The following PPP3CA variants were observed in gnomAD, a reference collection of about 807,000 sequenced individuals.
PPP3CA encodes the protein CAM-PRP catalytic subunit.
A neutral mutation model predicts 66.5 loss-of-function variants in PPP3CA; 14 were observed. The ratio of observed to expected loss-of-function variants is 0.21; its 90% CI spans 0.14 to 0.33. The LOEUF (loss-of-function observed/expected upper bound fraction) is 0.33, where lower values mean the gene tolerates loss of function less well. Ranked by LOEUF, PPP3CA falls within the 10% of genes least tolerant of loss-of-function variation. PPP3CA has a pLI of 1.00. For synonymous variants in PPP3CA, 232 were observed against 226.2 expected (o/e 1.03, Z -0.23); for missense variants, 317 against 639.5 (o/e 0.50, Z 5.44).
intron 1 of PPP3CA, among the ~76,000 whole-genome samples, chr4:101,306,009 G>A (rs539812098): frequency 6.6e-6 from 1 of 152,104 alleles, no homozygotes; most frequent in South Asian, 2.1e-4. Flanking sequence ...ACATCCACAG[G>A]AGGAAAATGT....
At chr4:101,249,857 T>A (rs1159698294) in intron 1 of PPP3CA, among the ~76,000 whole-genome samples, 1 of 152,138 alleles carries the variant, frequency 6.6e-6, no homozygotes, top group Non-Finnish European at 1.5e-5. Flanking sequence ...TTTTATATTT[T>A]GAAGACAGTT....
intron 2 of PPP3CA, among the ~76,000 whole-genome samples, chr4:101,127,199 G>A (rs578026715): frequency 6.6e-6 from 1 of 151,778 alleles, no homozygotes; most frequent in Non-Finnish European, 1.5e-5. Flanking sequence ...AACTCCATTA[G>A]TGCCCTCTGC....
At chr4:101,128,349 T>C (rs1373193585) in intron 2 of PPP3CA, among the ~76,000 whole-genome samples, 2 of 152,206 alleles carry the variant, frequency 1.3e-5, no homozygotes, top group Non-Finnish European at 2.9e-5. Context: ...TCATCCATCA[T>C]ACATTATATG....
chr4:101,166,256 C>T (rs1723690164), intron 2 of PPP3CA, among the ~76,000 whole-genome samples: 2 of 152,150 alleles, frequency 1.3e-5, no homozygotes, highest in Non-Finnish European at 2.9e-5. Context: ...CCAATTGTTA[C>T]TTTGGCTTTT....
chr4:101,275,239 T>C (rs866279635), intron 1 of PPP3CA, among the ~76,000 whole-genome samples: 1 of 152,068 alleles, frequency 6.6e-6, no homozygotes, highest in East Asian at 1.9e-4. Flanking sequence ...CTTCTCTCAC[T>C]AACTTATTTG....
chr4:101,054,685 T>C (rs763142092), intron 10 of PPP3CA, among the ~76,000 whole-genome samples: 4 of 152,058 alleles, frequency 2.6e-5, no homozygotes, highest in Non-Finnish European at 5.9e-5. Flanking sequence ...CTGGAACCTG[T>C]GGTATTAGAT....
intron 1 of PPP3CA, among the ~76,000 whole-genome samples, chr4:101,343,050 A>C (rs961551858): frequency 2.0e-5 from 3 of 152,120 alleles, no homozygotes; most frequent in African/African-American, 7.2e-5. Flanking sequence ...GCCAAAAGCA[A>C]CCTTACACAA....
intron 1 of PPP3CA, among the ~76,000 whole-genome samples, chr4:101,261,680 T>G (rs1276618605): frequency 2.6e-5 from 4 of 152,088 alleles, no homozygotes; most frequent in Non-Finnish European, 5.9e-5. Flanking sequence ...ATCAGTGATC[T>G]CATTGCAAAG....
chr4:101,213,484 C>T (rs943159674), intron 1 of PPP3CA, among the ~76,000 whole-genome samples: 6 of 151,948 alleles, frequency 3.9e-5, no homozygotes, highest in African/African-American at 1.2e-4. Context: ...ACTGATCTAG[C>T]GGTCTTAATT....
chr4:101,271,483 C>A (rs1233856191), intron 1 of PPP3CA, among the ~76,000 whole-genome samples: 2 of 152,034 alleles, frequency 1.3e-5, no homozygotes, highest in African/African-American at 4.8e-5. Context: ...ACTTAAAAGG[C>A]AGTGGGCATT....
At chr4:101,298,584 T>C (rs1029580055) in intron 1 of PPP3CA, among the ~76,000 whole-genome samples, 14 of 152,140 alleles carry the variant, frequency 9.2e-5, no homozygotes, top group African/African-American at 3.4e-4. Context: ...TTCCACTTAA[T>C]GCATAGTAAT....
chr4:101,175,979 T>G (rs906055011), intron 2 of PPP3CA, among the ~76,000 whole-genome samples: 5 of 152,208 alleles, frequency 3.3e-5, no homozygotes, highest in African/African-American at 4.8e-5. Context: ...CTCCCTCAAG[T>G]CTGAAGACAT....
intron 1 of PPP3CA, among the ~76,000 whole-genome samples, chr4:101,289,870 A>ATGTGTATG (rs1553938887): frequency 3.5e-5 from 5 of 141,728 alleles, no homozygotes; most frequent in Admixed American, 2.1e-4. Context: ...ATGTCCGTGT[A>ATGTGTATG]TGTGTGTGTG....
At chr4:101,215,774 A>G (rs1725433810) in intron 1 of PPP3CA, among the ~76,000 whole-genome samples, 1 of 152,130 alleles carries the variant, frequency 6.6e-6, no homozygotes, top group Non-Finnish European at 1.5e-5. Flanking sequence ...CAGAACAAAT[A>G]TATTGCTGAT....
chr4:101,048,725 A>G (rs1727880335), intron 10 of PPP3CA, among the ~76,000 whole-genome samples: 1 of 152,058 alleles, frequency 6.6e-6, no homozygotes, highest in Admixed American at 6.6e-5. Context: ...TTGGGACATA[A>G]TAGCCACTCA....
In PPP3CA at chr4:101,162,101, A is replaced by T. The variant is rs528272960; in HGVS notation, c.259+33815T>A. ...CTAAAAATACAAAAATTAGCCGGGC[A>T]TGGTGGCATGTGCCTGTAATCCCAG... On this transcript the variant is annotated intron_variant, in intron 2 of 13. Transcript: ENST00000394854. 3.0e-4 allele frequency among the ~76,000 whole-genome samples: 45 copies of T among 152,056 alleles called. 1 individual carries two copies. The highest frequency in any genetic ancestry group is 1.1e-3 in the Admixed American group (17 of 15,262).
chr4:101,220,542 T>C (rs1172055705), intron 1 of PPP3CA, among the ~76,000 whole-genome samples: 2 of 151,770 alleles, frequency 1.3e-5, no homozygotes, highest in Non-Finnish European at 3.0e-5. Context: ...GCTTTTCTGA[T>C]GCTGAAAGAA....
At chr4:101,127,712 A>G (rs1022128348) in intron 2 of PPP3CA, among the ~76,000 whole-genome samples, 4 of 152,238 alleles carry the variant, frequency 2.6e-5, no homozygotes, top group Admixed American at 6.5e-5. Flanking sequence ...CAAATGTATT[A>G]CTCAATTATT....
intron 1 of PPP3CA, among the ~76,000 whole-genome samples, chr4:101,281,553 T>G (rs1727684632): frequency 6.7e-6 from 1 of 149,282 alleles, no homozygotes; most frequent in African/African-American, 2.6e-5. Context: ...GTTAATATAA[T>G]TGAGTTGGCT....
Sources: gnomAD v4.1 joint callset for allele counts (sites outside exome capture counted in the v4.1 genomes callset) on GRCh38, gnomAD v4.1.1 for gene constraint, MANE v1.5 for transcripts, NCBI Gene and HGNC (gene_info 2026-07-23, HGNC 2026-07-21) for gene names.